The following MAPK10 variants were observed in gnomAD, a reference collection of about 807,000 sequenced individuals.
The protein encoded by MAPK10 is JNK3 alpha protein kinase.
Under a neutral mutation model 59.3 loss-of-function variants are expected in MAPK10, and 25 were observed. The ratio of observed to expected loss-of-function variants is 0.42; its 90% CI spans 0.31 to 0.59. The LOEUF (loss-of-function observed/expected upper bound fraction) is 0.59. Ranked by LOEUF, MAPK10 falls within the 20% of genes least tolerant of loss-of-function variation. The pLI, the probability that MAPK10 is intolerant of heterozygous loss-of-function variation, is 0.15. For synonymous variants in MAPK10, 190 were observed against 200.5 expected (o/e 0.95, Z 0.44); for missense variants, 351 against 568.9 (o/e 0.62, Z 3.90).
chr4:86,069,904 C>G (rs1013539001), intron 9 of MAPK10, among the ~76,000 whole-genome samples: 1 of 114,838 alleles, frequency 8.7e-6, no homozygotes, highest in Non-Finnish European at 1.8e-5. Context: ...AAGAAGTACT[C>G]CCAAAACAAA....
At chr4:86,422,781 A>G (rs1161340744) in intron 1 of MAPK10, among the ~76,000 whole-genome samples, 2 of 152,228 alleles carry the variant, frequency 1.3e-5, no homozygotes, top group African/African-American at 4.8e-5. Context: ...GGTATGTGGA[A>G]CTCAACTGGG....
At chr4:86,514,057 C>T (rs911265513) in intron 1 of MAPK10, among the ~76,000 whole-genome samples, 6 of 152,018 alleles carry the variant, frequency 3.9e-5, no homozygotes, top group Admixed American at 2.0e-4. Context: ...TCATCAGTGA[C>T]GCTTTGGAGA....
In MAPK10 at chr4:86,016,564, C is replaced by T. The variant is rs1374788659; in HGVS notation, c.*664G>A. 1 of 152,652 alleles carries T rather than the reference C, an allele frequency of 6.6e-6. No homozygotes were observed. The highest frequency in any genetic ancestry group is 1.5e-5 in the Non-Finnish European group (1 of 68,128). 9.5% of individuals were successfully genotyped at this position (152,652 alleles called of 1,614,324 possible). On this transcript the variant is annotated 3_prime_UTR_variant, in exon 14 of 14. Coordinates refer to ENST00000641462, the MANE Select transcript of MAPK10 (RefSeq NM_138982.4). The stretch of plus-strand genomic sequence containing the variant: ...AGAGCTCACTCCCCCCATATATTCC[C>T]CCTTTACATGTTTTCTTATAAGACA...
At chr4:86,356,848 C>T (rs920762056) in intron 1 of MAPK10, 1 of 152,120 alleles carries the variant, frequency 6.6e-6, no homozygotes, top group Non-Finnish European at 1.5e-5. Flanking sequence ...TAAGCATCTC[C>T]CCTACTAGTC....
Position 86,097,863 on chromosome 4 carries a change from T to C in MAPK10, c.802+661A>G, listed in dbSNP as rs2054537389. On this transcript the variant is annotated intron_variant, in intron 9 of 13. Coordinates refer to ENST00000641462, the MANE Select transcript of MAPK10 (RefSeq NM_138982.4). Reference sequence around the variant, plus strand: ...CTCAGTAGTAGAACTTAAATCCAAATTGCTTTATGAAATTATAAATTTAGT... The same window carrying C: ...CTCAGTAGTAGAACTTAAATCCAAACTGCTTTATGAAATTATAAATTTAGT... Among the ~76,000 whole-genome samples, 4 of 152,108 alleles carry C rather than the reference T, an allele frequency of 2.6e-5. No individual in the cohort carries two copies. The South Asian group carries it at 8.3e-4, about 31-fold the overall frequency.
intron 10 of MAPK10, 93 bp downstream of exon 10, chr4:86,067,680 G>T: frequency 1.9e-6 from 2 of 1,059,088 alleles, no homozygotes; most frequent in Non-Finnish European, 2.7e-6. Flanking sequence ...AAATAAAAGG[G>T]AACAAAGAGA....
At chr4:86,494,826 G>A (rs34649416) in intron 1 of MAPK10, among the ~76,000 whole-genome samples, 1 of 100,824 alleles carries the variant, frequency 9.9e-6, no homozygotes. Flanking sequence ...CTGGGCGACA[G>A]AGAGAGACTC....
chr4:86,108,501 T>C (rs189715066), intron 4 of MAPK10, among the ~76,000 whole-genome samples: 1 of 152,178 alleles, frequency 6.6e-6, no homozygotes, highest in Non-Finnish European at 1.5e-5. Context: ...ATTTCTGTAC[T>C]GTAAGAAAAT....
intron 1 of MAPK10, among the ~76,000 whole-genome samples, chr4:86,428,992 G>A (rs931523962): frequency 3.3e-5 from 5 of 152,022 alleles, no homozygotes; most frequent in Non-Finnish European, 7.4e-5. Context: ...TTCTGTTTTT[G>A]TTTTTAGCAT....
intron 1 of MAPK10, among the ~76,000 whole-genome samples, chr4:86,425,932 C>A (rs1747221829): frequency 6.6e-6 from 1 of 152,178 alleles, no homozygotes; most frequent in East Asian, 1.9e-4. Context: ...GATTGAGCCA[C>A]TGTACTCCAG....
chr4:86,014,387 A>G lies in MAPK10; in HGVS notation c.*2841T>C, dbSNP rs1197840831. The G allele has an allele frequency of 6.7e-6, 1 of 150,104 alleles. No individual in the cohort carries two copies. Among genetic ancestry groups the G allele is most frequent in the Non-Finnish European group, 1.5e-5 (1 of 67,828 alleles). 9.3% of individuals were successfully genotyped at this position (150,104 alleles called of 1,614,324 possible). ...ATGCAGAACATATTATATTCTGTGA[A>G]TTTGATAATATCATCACCTCCTAGA... On this transcript the variant is annotated 3_prime_UTR_variant, in exon 14 of 14. Transcript: ENST00000641462.
chr4:86,198,547 T>C (rs2081922553), intron 2 of MAPK10, among the ~76,000 whole-genome samples: 1 of 152,058 alleles, frequency 6.6e-6, no homozygotes, highest in African/African-American at 2.4e-5. Context: ...TCTCAGACTC[T>C]CCAGCGTTCT....
intron 1 of MAPK10, among the ~76,000 whole-genome samples, chr4:86,564,327 A>G (rs1760905410): frequency 6.6e-6 from 1 of 152,196 alleles, no homozygotes; most frequent in Admixed American, 6.5e-5. Flanking sequence ...GGCCATGGAA[A>G]GGCATTGGAT....
At chr4:86,586,250 G>C (rs1259773466) in intron 1 of MAPK10, among the ~76,000 whole-genome samples, 1 of 152,180 alleles carries the variant, frequency 6.6e-6, no homozygotes, top group East Asian at 1.9e-4. Flanking sequence ...GTCAGAGACA[G>C]GACCAACCCT....
intron 1 of MAPK10, among the ~76,000 whole-genome samples, chr4:86,367,160 T>C (rs187813753): frequency 1.3e-5 from 2 of 152,224 alleles, no homozygotes; most frequent in Non-Finnish European, 2.9e-5. Flanking sequence ...ATGTCATGAA[T>C]TAGGATGGTA....
intron 1 of MAPK10, among the ~76,000 whole-genome samples, chr4:86,472,727 TA>T (rs1270815905): frequency 2.6e-5 from 4 of 151,980 alleles, no homozygotes; most frequent in African/African-American, 9.7e-5. Flanking sequence ...ATAAACTGTA[TA>T]GGGGTGAGGC....
At chr4:86,328,614 A>G (rs1316289546) in intron 2 of MAPK10, among the ~76,000 whole-genome samples, 2 of 152,234 alleles carry the variant, frequency 1.3e-5, no homozygotes, top group Non-Finnish European at 2.9e-5. Flanking sequence ...ATGCCCATCA[A>G]TGATAGACTG....
chr4:86,319,111 C>T (rs1037072199), intron 2 of MAPK10, among the ~76,000 whole-genome samples: 2 of 152,088 alleles, frequency 1.3e-5, no homozygotes, highest in Non-Finnish European at 2.9e-5. Context: ...ACATCACTTC[C>T]ACTGAAACAG....
chr4:86,305,018 C>T (rs2095541640), intron 2 of MAPK10, among the ~76,000 whole-genome samples: 1 of 151,946 alleles, frequency 6.6e-6, no homozygotes, highest in East Asian at 1.9e-4. Flanking sequence ...TCACTTACAC[C>T]CACCAGAGTG....
Sources: allele counts gnomAD v4.1 joint callset (sites outside exome capture counted in the v4.1 genomes callset), GRCh38; gene constraint gnomAD v4.1.1; transcripts MANE v1.5; gene names NCBI Gene and HGNC (gene_info 2026-07-23, HGNC 2026-07-21).